CNTNAP5: variants seen among roughly 807,000 people sequenced by gnomAD.
The protein encoded by CNTNAP5 is contactin associated protein family member 5.
Under a neutral mutation model 150.2 loss-of-function variants are expected in CNTNAP5, and 72 were observed. The observed-to-expected ratio is 0.48, with a 90% confidence interval of 0.40 to 0.58. The LOEUF is 0.58. Among genes scored for constraint, CNTNAP5 ranks in the 20% least tolerant of loss-of-function variants. CNTNAP5 has a pLI of 0.00. For synonymous variants in CNTNAP5, 672 were observed against 619.8 expected (o/e 1.08, Z -1.25); for missense variants, 1,636 against 1,626.2 (o/e 1.01, Z -0.10).
chr2:124,424,108 T>G (rs923401399), intron 4 of CNTNAP5, among the ~76,000 whole-genome samples: 2 of 152,204 alleles, frequency 1.3e-5, no homozygotes, highest in Non-Finnish European at 2.9e-5. Context: ...ATTTGGTTAA[T>G]TACTCGCAAG....
chr2:124,526,293 A>C (rs1240872016), intron 9 of CNTNAP5, among the ~76,000 whole-genome samples: 1 of 152,200 alleles, frequency 6.6e-6, no homozygotes, highest in Non-Finnish European at 1.5e-5. Context: ...TTTCAGTAAT[A>C]ATAGTCAACT....
chr2:124,567,835 TGATAGATAGATAGATAGATA>T (rs10685444), intron 11 of CNTNAP5, among the ~76,000 whole-genome samples: 1 of 132,810 alleles, frequency 7.5e-6, no homozygotes, highest in Non-Finnish European at 1.6e-5. Flanking sequence ...AGGGCATAGA[TGATAGATAGATAGATAGATA>T]GATAGATAGA....
At chr2:124,296,981 C>T (rs1323319701) in intron 3 of CNTNAP5, among the ~76,000 whole-genome samples, 1 of 152,146 alleles carries the variant, frequency 6.6e-6, no homozygotes, top group Non-Finnish European at 1.5e-5. Flanking sequence ...GATTTGCTCT[C>T]TGGGGCAGCT....
intron 3 of CNTNAP5, among the ~76,000 whole-genome samples, chr2:124,355,142 T>G: frequency 6.6e-6 from 1 of 151,914 alleles, no homozygotes; most frequent in Middle Eastern, 3.5e-3. Context: ...AATGATACTT[T>G]CAAAAATTAA....
intron 3 of CNTNAP5, among the ~76,000 whole-genome samples, chr2:124,402,628 C>T (rs1377238400): frequency 6.6e-6 from 1 of 152,176 alleles, no homozygotes; most frequent in East Asian, 1.9e-4. Context: ...AGTCATTCCC[C>T]TCTTGCCAAC....
intron 18 of CNTNAP5, 25 bp downstream of exon 18, chr2:124,790,166 C>A: frequency 6.3e-7 from 1 of 1,586,896 alleles, no homozygotes; most frequent in Non-Finnish European, 8.6e-7. Context: ...CCTGTTTCTC[C>A]TGAGTGCAGT....
At chr2:124,412,486 A>G (rs1380144952) in intron 3 of CNTNAP5, among the ~76,000 whole-genome samples, 1 of 151,534 alleles carries the variant, frequency 6.6e-6, no homozygotes, top group Non-Finnish European at 1.5e-5. Context: ...ACTATACTAC[A>G]AGGCTACAGT....
intron 3 of CNTNAP5, among the ~76,000 whole-genome samples, chr2:124,355,363 C>CT (rs975402323): frequency 2.0e-5 from 3 of 152,044 alleles, no homozygotes; most frequent in African/African-American, 7.2e-5. Context: ...ATAAAACTAG[C>CT]TTTTAGATCC....
intron 3 of CNTNAP5, among the ~76,000 whole-genome samples, chr2:124,295,480 T>C (rs1182765469): frequency 7.4e-6 from 1 of 135,680 alleles, no homozygotes; most frequent in Non-Finnish European, 1.6e-5. Context: ...CAGTGGTTAC[T>C]GAGGACAGCG....
chr2:124,306,482 T>C (rs1189062875), intron 3 of CNTNAP5, among the ~76,000 whole-genome samples: 2 of 152,174 alleles, frequency 1.3e-5, no homozygotes, highest in Non-Finnish European at 2.9e-5. Flanking sequence ...GCCAGGAATA[T>C]GACCTATGTT....
Position 124,504,391 on chromosome 2 carries a change from G to A in CNTNAP5, c.1162G>A (p.Asp388Asn). The A allele has an allele frequency of 5.0e-6, 8 of 1,613,924 alleles. No individual in the cohort carries two copies. The highest frequency in any genetic ancestry group is 1.1e-5 in the South Asian group (1 of 91,072). ...GCTGCTGCCCGGCACCCCCCAAATT[G>A]ATGGGCTCTCAGTGAGTTTCCAGTT... ...YLLLPGTPQI[D>N]GLSVSFQFRT... The change falls in exon 8 of 24, where the codon GAT (aspartate) becomes AAT (asparagine). Residue 388 changes from aspartate (D) to asparagine (N), a missense_variant. Asp to Asn is a conservative substitution (Grantham distance 23). Transcript: ENST00000682447.
chr2:124,133,097 G>A (rs993802082), intron 1 of CNTNAP5, among the ~76,000 whole-genome samples: 10 of 152,158 alleles, frequency 6.6e-5, no homozygotes, highest in African/African-American at 2.4e-4. Flanking sequence ...AAATATCCCT[G>A]AGAAGAAAAT....
chr2:124,627,397 G>C (rs888396720), intron 12 of CNTNAP5, among the ~76,000 whole-genome samples: 3 of 152,128 alleles, frequency 2.0e-5, no homozygotes, highest in Non-Finnish European at 4.4e-5. Context: ...AACCTTTGCT[G>C]TTCTGCAGCT....
chr2:124,141,074 A>AG (rs1430176189), intron 1 of CNTNAP5, among the ~76,000 whole-genome samples: 1 of 9,152 alleles, frequency 1.1e-4, no homozygotes, highest in African/African-American at 3.3e-4. Context: ...TGAAGCGAGA[A>AG]GGGAAGTTTA....
At chr2:124,157,252 T>G (rs1684568254) in intron 1 of CNTNAP5, among the ~76,000 whole-genome samples, 1 of 152,186 alleles carries the variant, frequency 6.6e-6, no homozygotes, top group Non-Finnish European at 1.5e-5. Context: ...CCATGAGTTT[T>G]TATTTTCCAG....
chr2:124,039,942 G>A (rs554810141), intron 1 of CNTNAP5, among the ~76,000 whole-genome samples: 9 of 151,874 alleles, frequency 5.9e-5, no homozygotes, highest in Admixed American at 1.3e-4. Flanking sequence ...GTGCATATCC[G>A]CTATGTAAAC....
Position 124,563,219 on chromosome 2 carries a change from G to C in CNTNAP5, c.1652G>C (p.Cys551Ser). ...HIDLCSIKDR[C>S]LPNYCEHGGS... ...TCATTTATGTTTTCTTCCATTAGGTGTTTGCCAAACTACTGTGAACATGGA... is the reference window on the plus strand; with the variant it reads ...TCATTTATGTTTTCTTCCATTAGGTCTTTGCCAAACTACTGTGAACATGGA... The change falls in exon 11 of 24, where the codon TGT (cysteine) becomes TCT (serine). Residue 551 changes from cysteine (C) to serine (S), a missense_variant and splice_region_variant. Physicochemically the swap from Cys to Ser is moderately radical, Grantham distance 112. Transcript: ENST00000682447. 2 of 1,581,352 alleles carry C rather than the reference G, an allele frequency of 1.3e-6. No individual in the cohort carries two copies. Among genetic ancestry groups the C allele is most frequent in the Non-Finnish European group, 1.7e-6 (2 of 1,160,310 alleles).
chr2:124,170,067 T>C (rs2439004), intron 1 of CNTNAP5, among the ~76,000 whole-genome samples: 147,439 of 152,208 alleles, frequency 0.97, 71,582 homozygotes, highest in East Asian at 1. Flanking sequence ...TATATATTCA[T>C]CTCCAGGAGA....
intron 3 of CNTNAP5, among the ~76,000 whole-genome samples, chr2:124,362,155 G>C (rs1039180933): frequency 2.0e-5 from 3 of 152,188 alleles, no homozygotes; most frequent in Non-Finnish European, 4.4e-5. Context: ...GCAATGCCTC[G>C]CCCTGCTTCG....
Sources: gnomAD v4.1 joint callset for allele counts (sites outside exome capture counted in the v4.1 genomes callset) on GRCh38, gnomAD v4.1.1 for gene constraint, MANE v1.5 for transcripts, NCBI Gene and HGNC (gene_info 2026-07-23, HGNC 2026-07-21) for gene names.